The following TANGO6 variants were observed in gnomAD, a reference collection of about 807,000 sequenced individuals.
TANGO6 encodes the protein transport and Golgi organization protein 6 homolog.
TANGO6 carries 90 observed loss-of-function variants against 114.2 expected under a neutral mutation model. The ratio of observed to expected loss-of-function variants is 0.79; its 90% confidence interval spans 0.66 to 0.94. TANGO6 has a LOEUF of 0.94. Among genes scored for constraint, TANGO6 ranks in the 40% least tolerant of loss-of-function variants. TANGO6 has a pLI of 0.00. For missense variants in TANGO6, 1,274 were observed against 1,315.3 expected (o/e 0.97, Z 0.49); for synonymous variants, 477 against 509.8 (o/e 0.94, Z 0.87).
intron 9 of TANGO6, among the ~76,000 whole-genome samples, chr16:68,906,639 A>G (rs1486925885): frequency 6.6e-6 from 1 of 151,640 alleles, no homozygotes; most frequent in Non-Finnish European, 1.5e-5. Flanking sequence ...GTGGCTATTC[A>G]TAGTTGTGAC....
At chr16:69,022,493 C>T (rs1002141715) in intron 15 of TANGO6, among the ~76,000 whole-genome samples, 8 of 152,062 alleles carry the variant, frequency 5.3e-5, no homozygotes, top group African/African-American at 1.4e-4. Context: ...AGCTTGAGCC[C>T]GGGAGTTCAA....
chr16:69,083,552 A>T lies in TANGO6; in HGVS notation c.3176A>T (p.Asp1059Val). The T allele has an allele frequency of 6.2e-7, 1 of 1,611,628 alleles. No individual in the cohort carries two copies. Among genetic ancestry groups the T allele is most frequent in the Non-Finnish European group, 8.5e-7 (1 of 1,178,960 alleles). Reference protein sequence around the residue: ...LKHVVCLEPDDVAKLHAQLAL... With the variant: ...LKHVVCLEPDVVAKLHAQLAL... ...CACGTAGTGTGTCTGGAGCCCGATG[A>T]CGTGGCCAAGCTCCATGCCCAGTTG... is the stretch of plus-strand genomic sequence containing the variant. The change falls in exon 18 of 18, where the codon GAC becomes GTC. Residue 1059 changes from aspartate to valine, a missense_variant. By Grantham distance (152) the Asp-to-Val change is radical (BLOSUM62 -3). Coordinates refer to ENST00000261778, the MANE Select transcript of TANGO6 (RefSeq NM_024562.2).
At chr16:69,013,962 A>G (rs1959239260) in intron 15 of TANGO6, among the ~76,000 whole-genome samples, 1 of 152,120 alleles carries the variant, frequency 6.6e-6, no homozygotes, top group Admixed American at 6.5e-5. Flanking sequence ...CTGGCCCCCA[A>G]GTTCCTTAGT....
At chr16:69,002,609 C>T (rs561727350) in intron 15 of TANGO6, among the ~76,000 whole-genome samples, 54 of 152,258 alleles carry the variant, frequency 3.5e-4, no homozygotes, top group African/African-American at 1.3e-3. Flanking sequence ...TTCCTGGGGC[C>T]TCCCCAGCCT....
chr16:68,926,084 A>C (rs1963164203), intron 12 of TANGO6, among the ~76,000 whole-genome samples: 1 of 151,028 alleles, frequency 6.6e-6, no homozygotes, highest in Non-Finnish European at 1.5e-5. Context: ...AAATTAAAAA[A>C]GAGGCCAAAT....
At chr16:68,847,999 C>CAAAAAA (rs1329686470) in intron 1 of TANGO6, among the ~76,000 whole-genome samples, 1 of 62,332 alleles carries the variant, frequency 1.6e-5, no homozygotes, top group Non-Finnish European at 3.2e-5. Flanking sequence ...GACTCCATCA[C>CAAAAAA]AAAAAAAAAA....
At chr16:68,973,852 G>C in intron 14 of TANGO6, 176 bp from the exon 15 acceptor site, 1 of 655,844 alleles carries the variant, frequency 1.5e-6, no homozygotes, top group Non-Finnish European at 2.6e-6. Context: ...TCAACTACCA[G>C]GCCCATCTTC....
intron 14 of TANGO6, among the ~76,000 whole-genome samples, chr16:68,942,188 C>T (rs569006784): frequency 5.3e-5 from 8 of 151,754 alleles, no homozygotes; most frequent in South Asian, 2.1e-4. Flanking sequence ...GTTAGCTGGA[C>T]GTGGTGGCAG....
intron 15 of TANGO6, 112 bp downstream of exon 15, chr16:68,974,280 A>G: frequency 1.6e-6 from 2 of 1,268,266 alleles, no homozygotes; most frequent in Non-Finnish European, 2.2e-6. Flanking sequence ...GGGTAGTTTG[A>G]GGGCTGGGAT....
chr16:68,918,299 G>T (rs1039133844), intron 11 of TANGO6, among the ~76,000 whole-genome samples: 9 of 152,192 alleles, frequency 5.9e-5, no homozygotes, highest in Non-Finnish European at 1.2e-4. Flanking sequence ...TTTTCTCCCA[G>T]TCTGTGGCTT....
chr16:68,883,199 A>G (rs1224311571), intron 7 of TANGO6, among the ~76,000 whole-genome samples: 1 of 152,106 alleles, frequency 6.6e-6, no homozygotes, highest in African/African-American at 2.4e-5. Flanking sequence ...TCTGCCTCAA[A>G]AAAAGAAAAG....
chr16:69,081,904 G>A (rs1960470704), intron 17 of TANGO6, among the ~76,000 whole-genome samples: 1 of 151,894 alleles, frequency 6.6e-6, no homozygotes, highest in Non-Finnish European at 1.5e-5. Context: ...CTCGATCTCG[G>A]CTCACTGCAA....
In TANGO6 at chr16:68,867,066, T is replaced by C; in HGVS notation, c.853-13T>C. On this transcript the variant is annotated splice_polypyrimidine_tract_variant and intron_variant, in intron 3 of 17. Coordinates refer to ENST00000261778, the MANE Select transcript of TANGO6 (RefSeq NM_024562.2). ...AGTGACATTCAGAATTCACACCTTCTTCTTTTTCTCAGTCCTGCACAGATG... is the reference window on the plus strand; with the variant it reads ...AGTGACATTCAGAATTCACACCTTCCTCTTTTTCTCAGTCCTGCACAGATG... 1 of 1,605,712 alleles carries C rather than the reference T, an allele frequency of 6.2e-7. No individual in the cohort carries two copies. Among genetic ancestry groups the C allele is most frequent in the Non-Finnish European group, 8.5e-7 (1 of 1,176,328 alleles).
intron 15 of TANGO6, among the ~76,000 whole-genome samples, chr16:69,021,886 CTTTT>C (rs757995347): frequency 7.8e-6 from 1 of 127,872 alleles, no homozygotes; most frequent in African/African-American, 2.9e-5. Flanking sequence ...ATTTTTTTTT[CTTTT>C]TTTTTTTTTT....
At chr16:69,033,811 C>T (rs1377864836) in intron 16 of TANGO6, 1 of 153,410 alleles carries the variant, frequency 6.5e-6, no homozygotes, top group East Asian at 1.8e-4. Flanking sequence ...CTCACAGAGA[C>T]ATGACTGAGG....
chr16:68,852,863 A>C (rs1374291758), intron 1 of TANGO6, among the ~76,000 whole-genome samples: 1 of 151,958 alleles, frequency 6.6e-6, no homozygotes, highest in Non-Finnish European at 1.5e-5. Context: ...AAAAGTTGAA[A>C]GAATTATATG....
In TANGO6 at chr16:69,023,102, A is replaced by C. The variant is rs191196678; in HGVS notation, c.2994+123A>C. On this transcript the variant is annotated intron_variant, in intron 16 of 17. Coordinates refer to ENST00000261778, the MANE Select transcript of TANGO6 (RefSeq NM_024562.2). Reference sequence around the variant, plus strand: ...ATCTGCCACTGCCTCCCTGTGAGACAGGGCAAGTGAGCCATTGAACTTCCC... The same window carrying C: ...ATCTGCCACTGCCTCCCTGTGAGACCGGGCAAGTGAGCCATTGAACTTCCC... 115 of 1,028,114 alleles carry C rather than the reference A, an allele frequency of 1.1e-4. 1 individual carries two copies. The highest frequency in any genetic ancestry group is 2.4e-4 in the Middle Eastern group (1 of 4,170). The allele number at this position is 1,028,114 out of a possible 1,614,324, so 63.7% of individuals were successfully genotyped here. A position where few individuals can be genotyped will look rare whatever the true frequency, so the allele number is the denominator to read the frequency against.
At chr16:68,870,716 T>C (rs1341894712) in intron 4 of TANGO6, among the ~76,000 whole-genome samples, 5 of 152,214 alleles carry the variant, frequency 3.3e-5, no homozygotes, top group Admixed American at 1.3e-4. Flanking sequence ...TATTTCTTTA[T>C]GTAGATCAAA....
intron 1 of TANGO6, among the ~76,000 whole-genome samples, chr16:68,845,123 A>G (rs2093329292): frequency 6.6e-6 from 1 of 152,086 alleles, no homozygotes; most frequent in African/African-American, 2.4e-5. Flanking sequence ...GCACACCACC[A>G]TGCCCAGCTA....
Sources: gnomAD v4.1 joint callset for allele counts (sites outside exome capture counted in the v4.1 genomes callset) on GRCh38, gnomAD v4.1.1 for gene constraint, MANE v1.5 for transcripts, NCBI Gene and HGNC (gene_info 2026-07-23, HGNC 2026-07-21) for gene names.